Variants in DLG2 observed in about 807,000 individuals in gnomAD.
DLG2 encodes the protein disks large homolog 2.
A neutral mutation model predicts 132.5 loss-of-function variants in DLG2; 45 were observed. The observed-to-expected ratio is 0.34, with a 90% CI of 0.27 to 0.44. The LOEUF is 0.44. Among genes scored for constraint, DLG2 ranks in the 20% least tolerant of loss-of-function variants. The pLI, the probability that DLG2 is intolerant of heterozygous loss-of-function variation, is 1.00. For missense variants in DLG2, 1,045 were observed against 1,196.9 expected (o/e 0.87, Z 1.87); for synonymous variants, 424 against 419.6 (o/e 1.01, Z -0.13).
rs373840937 is a variant in DLG2 at position 85,053,517 on chromosome 11, G to T, written c.357+58144C>A. On this transcript the variant is annotated intron_variant, in intron 6 of 27. Coordinates refer to ENST00000376104, the MANE Select transcript of DLG2 (RefSeq NM_001142699.3). ...AATATAGTGAGTACAGGCCGGGCGT[G>T]GTGGCTCACGCCTGTAATCCCAGCA... Among the ~76,000 whole-genome samples, 48 of 151,836 alleles carry T rather than the reference G, an allele frequency of 3.2e-4. No individual in the cohort carries two copies. The East Asian group carries it at 6.8e-3, about 21-fold the overall frequency.
At chr11:84,224,839 T>C (rs1360690117) in intron 8 of DLG2, among the ~76,000 whole-genome samples, 2 of 152,196 alleles carry the variant, frequency 1.3e-5, no homozygotes, top group African/African-American at 2.4e-5. Flanking sequence ...TTTACTGAAT[T>C]ACCTATCCTT....
intron 3 of DLG2, among the ~76,000 whole-genome samples, chr11:85,433,399 T>A (rs529201610): frequency 6.6e-6 from 1 of 152,176 alleles, no homozygotes; most frequent in South Asian, 2.1e-4. Flanking sequence ...AACCCACCAG[T>A]GTTCTGTATT....
At position 84,463,455 on chromosome 11, in the gene DLG2, G is replaced by A. The variant is rs538794919; in HGVS notation, c.519+71115C>T. On this transcript the variant is annotated intron_variant, in intron 7 of 27. Coordinates refer to ENST00000376104, the MANE Select transcript of DLG2 (RefSeq NM_001142699.3). ...TCATATCTGAGCCCTCTGTGCTAAG[G>A]ACTGCACTCCTAATACTCTTGTTGT... Among the ~76,000 whole-genome samples the A allele has an allele frequency of 3.6e-4, 55 of 151,204 alleles. 1 individual carries two copies. In the South Asian group the frequency reaches 0.011, roughly 29 times the overall value.
intron 10 of DLG2, among the ~76,000 whole-genome samples, chr11:84,085,534 C>A (rs1443410422): frequency 6.6e-6 from 1 of 152,060 alleles, no homozygotes; most frequent in Non-Finnish European, 1.5e-5. Flanking sequence ...CTCAGGCTGT[C>A]AACAAATGTC....
At chr11:84,509,149 A>G (rs1278461590) in intron 7 of DLG2, among the ~76,000 whole-genome samples, 2 of 152,236 alleles carry the variant, frequency 1.3e-5, no homozygotes, top group African/African-American at 2.4e-5. Context: ...TGGAGTTTTA[A>G]TGCTCACCTG....
At chr11:85,186,751 A>G (rs2080132889) in intron 4 of DLG2, among the ~76,000 whole-genome samples, 1 of 152,116 alleles carries the variant, frequency 6.6e-6, no homozygotes, top group Non-Finnish European at 1.5e-5. Context: ...ATAGCGGTGT[A>G]TCATTAGTCA....
At chr11:83,794,951 C>T (rs953783961) in intron 17 of DLG2, among the ~76,000 whole-genome samples, 5 of 152,116 alleles carry the variant, frequency 3.3e-5, no homozygotes, top group Non-Finnish European at 5.9e-5. Context: ...TGTGTTTTGC[C>T]ACTCTGCTCT....
At chr11:85,103,303 C>T (rs574047041) in intron 6 of DLG2, among the ~76,000 whole-genome samples, 23 of 152,026 alleles carry the variant, frequency 1.5e-4, no homozygotes, top group African/African-American at 4.8e-4. Flanking sequence ...ATAGCCAAAA[C>T]AATCTTGGAA....
At chr11:84,346,123 A>T (rs1286414529) in intron 7 of DLG2, among the ~76,000 whole-genome samples, 1 of 152,166 alleles carries the variant, frequency 6.6e-6, no homozygotes, top group Non-Finnish European at 1.5e-5. Context: ...ATTTTTTCTG[A>T]AACTAATTAC....
intron 6 of DLG2, among the ~76,000 whole-genome samples, chr11:84,998,926 C>T (rs545092977): frequency 3.2e-4 from 48 of 151,892 alleles, no homozygotes; most frequent in Non-Finnish European, 6.3e-4. Context: ...TCTCTGTTTT[C>T]AACATTTAAG....
intron 4 of DLG2, among the ~76,000 whole-genome samples, chr11:85,262,867 C>G (rs1198920311): frequency 1.3e-5 from 2 of 152,062 alleles, no homozygotes; most frequent in Non-Finnish European, 2.9e-5. Flanking sequence ...TCATTTGGTC[C>G]GGGAACAGCC....
chr11:84,356,147 TTG>T (rs2098609880), intron 7 of DLG2, among the ~76,000 whole-genome samples: 1 of 152,158 alleles, frequency 6.6e-6, no homozygotes, highest in South Asian at 2.1e-4. Flanking sequence ...CAGTTTTTGT[TTG>T]TTTTTGGTTT....
chr11:85,127,547 A>C (rs1281002012), intron 5 of DLG2, among the ~76,000 whole-genome samples: 1 of 152,180 alleles, frequency 6.6e-6, no homozygotes, highest in African/African-American at 2.4e-5. Context: ...TTCCATGAGA[A>C]CAGATTGCCT....
intron 3 of DLG2, among the ~76,000 whole-genome samples, chr11:85,378,038 GACA>G (rs913894922): frequency 5.3e-5 from 8 of 151,818 alleles, no homozygotes; most frequent in Non-Finnish European, 1.2e-4. Context: ...TTCTTCATGG[GACA>G]ACATTTTTCT....
At chr11:83,534,519 G>C (rs2095835714) in intron 20 of DLG2, among the ~76,000 whole-genome samples, 1 of 152,214 alleles carries the variant, frequency 6.6e-6, no homozygotes, top group African/African-American at 2.4e-5. Context: ...CTGAAACACA[G>C]TGAAGATCAG....
intron 6 of DLG2, among the ~76,000 whole-genome samples, chr11:85,023,789 A>C (rs765989104): frequency 3.3e-5 from 5 of 152,110 alleles, no homozygotes; most frequent in Admixed American, 2.0e-4. Context: ...CTTATTGAGC[A>C]TCAAAATATA....
intron 7 of DLG2, among the ~76,000 whole-genome samples, chr11:84,258,540 A>G (rs764212557): frequency 3.9e-5 from 6 of 152,178 alleles, no homozygotes; most frequent in Non-Finnish European, 5.9e-5. Flanking sequence ...AATTTTTACA[A>G]TGTTCTAAGG....
intron 8 of DLG2, among the ~76,000 whole-genome samples, chr11:84,167,799 T>C (rs1046129828): frequency 2.6e-5 from 4 of 152,102 alleles, no homozygotes; most frequent in Admixed American, 6.6e-5. Flanking sequence ...CCCAAGTAGC[T>C]GAGATTACAG....
intron 10 of DLG2, among the ~76,000 whole-genome samples, chr11:84,080,127 T>G (rs902749880): frequency 1.3e-5 from 2 of 151,470 alleles, no homozygotes; most frequent in Admixed American, 1.3e-4. Flanking sequence ...CTTGTTCCCT[T>G]CTCTATTCCC....
Sources: allele counts gnomAD v4.1 joint callset (sites outside exome capture counted in the v4.1 genomes callset), GRCh38; gene constraint gnomAD v4.1.1; transcripts MANE v1.5; gene names NCBI Gene and HGNC (gene_info 2026-07-23, HGNC 2026-07-21).